The following TYK2 variants were observed in gnomAD, a reference collection of about 807,000 sequenced individuals.
The protein encoded by TYK2 is tyrosine kinase 2.
A neutral mutation model predicts 130.9 loss-of-function variants in TYK2; 65 were observed. That is an observed-to-expected ratio of 0.50 (90% confidence interval 0.41 to 0.61). The LOEUF is 0.61. Among genes scored for constraint, TYK2 ranks in the 20% least tolerant of loss-of-function variants. The probability of loss-of-function intolerance (pLI) is 0.00; values close to 1 mark genes in which losing one functional copy is unlikely to be tolerated. For missense variants in TYK2, 1,378 were observed against 1,610.7 expected, an observed-to-expected ratio of 0.86 and a Z score of 2.47; for synonymous variants, 647 against 658.9, an observed-to-expected ratio of 0.98 and a Z score of 0.28.
At position 10,368,399 on chromosome 19, in the gene TYK2, G is replaced by C; in HGVS notation, c.213C>G (p.Phe71Leu). The C allele has an allele frequency of 6.2e-7, 1 of 1,614,142 alleles. No individual in the cohort carries two copies. The highest frequency in any genetic ancestry group is 8.5e-7 in the Non-Finnish European group (1 of 1,180,040). ...GAGCATCGAAGAGGGCAAAGAGATT[G>C]AAGCAAGGAGGAGTGATACCTGGAT... ...AHKVGITPPC[F>L]NLFALFDAQA... Residue 71 changes from phenylalanine to leucine, a missense_variant, in exon 4 of 25, where the codon TTC becomes TTG. Physicochemically the swap from Phe to Leu is conservative, Grantham distance 22. Coordinates refer to ENST00000525621, the MANE Select transcript of TYK2 (RefSeq NM_003331.5).
At position 10,361,801 on chromosome 19, in the gene TYK2, A is replaced by G. The variant is rs1191795420; in HGVS notation, c.1928T>C (p.Val643Ala). ...RGQELRVVLK[V>A]LDPSHHDIAL... ...GATGTCATGGTGACTAGGGTCCAGC[A>G]CTTTGAGCACCACTCGTAGCTCCTG... The change falls in exon 13 of 25, where the codon GTG becomes GCG. Residue 643 changes from valine (V) to alanine (A), a missense_variant. By Grantham distance (64) the Val-to-Ala change is moderately conservative. Transcript: ENST00000525621. This position sits in a 1 kb window ranked among gnomAD's most constrained non-coding sequence, Gnocchi z 4.0. The G allele has an allele frequency of 6.2e-7, 1 of 1,613,384 alleles. No homozygotes were observed. The highest frequency in any genetic ancestry group is 8.5e-7 in the Non-Finnish European group (1 of 1,179,934).
chr19:10,378,763 T>C (rs1020232159), intron 2 of TYK2, among the ~76,000 whole-genome samples: 4 of 152,242 alleles, frequency 2.6e-5, no homozygotes, highest in African/African-American at 7.2e-5. Flanking sequence ...AGAGGATTGC[T>C]TGAGCCCAGG....
chr19:10,373,684 T>C (rs2042006937), intron 3 of TYK2, among the ~76,000 whole-genome samples: 1 of 152,074 alleles, frequency 6.6e-6, no homozygotes, highest in Non-Finnish European at 1.5e-5. Context: ...ATAAAAGAAC[T>C]AGTCAGACTG....
intron 15 of TYK2, 111 bp from the exon 16 acceptor site, chr19:10,358,249 C>A: frequency 1.2e-5 from 12 of 1,035,132 alleles, no homozygotes; most frequent in African/African-American, 1.7e-5. Context: ...GTGACTATCA[C>A]TGGGTTTCTT....
rs992395063 is a variant in TYK2, at chr19:10,350,667, G to A, written c.*167C>T. The A allele has an allele frequency of 1.3e-6, 1 of 786,686 alleles. No homozygotes were observed. Among genetic ancestry groups the A allele is most frequent in the Non-Finnish European group, 2.0e-6 (1 of 503,654 alleles). The allele number at this position is 786,686 out of a possible 1,614,324, so 48.7% of individuals were successfully genotyped here. A position where few individuals can be genotyped will look rare whatever the true frequency, so the allele number is the denominator to read the frequency against. On this transcript the variant is annotated 3_prime_UTR_variant, in exon 25 of 25. Coordinates refer to ENST00000525621, the MANE Select transcript of TYK2 (RefSeq NM_003331.5). Reference sequence around the variant, plus strand: ...AGATCATGGTTAGGCTCACGGCCAAGAAAGAAAAATAAGTTCACAGAGGTG... The same window carrying A: ...AGATCATGGTTAGGCTCACGGCCAAAAAAGAAAAATAAGTTCACAGAGGTG...
Position 10,366,539 on chromosome 19 carries a change from C to T in TYK2, c.507G>A (p.Glu169=), listed in dbSNP as rs1376933123. Residue 169 remains glutamate, a synonymous_variant, in exon 6 of 25, where the codon GAG becomes GAA. Transcript: ENST00000525621. ...EFVNDVASLW[E]LSTEEEIHHF... is the part of the protein sequence containing the mutation. Reference sequence around the variant, plus strand: ...GGTGGATCTCCTCCTCGGTCGACAGCTCCCACAGTGATGCCACGTCATTCA... The same window carrying T: ...GGTGGATCTCCTCCTCGGTCGACAGTTCCCACAGTGATGCCACGTCATTCA... 8 of 1,614,060 alleles carry T rather than the reference C, an allele frequency of 5.0e-6. No homozygotes were observed. The highest frequency in any genetic ancestry group is 1.3e-5 in the African/African-American group (1 of 75,012).
In TYK2 at chr19:10,354,011, A is replaced by G. The variant is rs280497; in HGVS notation, c.2908+31T>C. On this transcript the variant is annotated intron_variant, in intron 20 of 24. Transcript: ENST00000525621. Reference sequence around the variant, plus strand: ...ACCCACGCTCTAACCACGCCCCCTCAAGTCTCTAGGACTCGCCGGGTCCCG... The same window carrying G: ...ACCCACGCTCTAACCACGCCCCCTCGAGTCTCTAGGACTCGCCGGGTCCCG... 860,984 of 1,610,030 alleles carry G rather than the reference A, an allele frequency of 0.53. 232,452 individuals carry two copies. Among genetic ancestry groups the G allele is most frequent in the African/African-American group, 0.64 (48,182 of 74,880 alleles).
chr19:10,369,635 G>T (rs1284941472), intron 3 of TYK2: 1 of 423,780 alleles, frequency 2.4e-6, no homozygotes, highest in Non-Finnish European at 4.7e-6. Flanking sequence ...CATGTCCTGG[G>T]GCTCCATCCA....
At chr19:10,359,383 G>C (rs1177822993) in intron 14 of TYK2, 81 bp from the exon 15 acceptor site, 12 of 1,545,728 alleles carry the variant, frequency 7.8e-6, no homozygotes, top group Non-Finnish European at 8.8e-7. Context: ...ACGCCAGGGA[G>C]GGACTTGGCA....
At chr19:10,370,950 C>T (rs1163274273) in intron 3 of TYK2, among the ~76,000 whole-genome samples, 1 of 151,626 alleles carries the variant, frequency 6.6e-6, no homozygotes, top group Non-Finnish European at 1.5e-5. Flanking sequence ...CCAGCCTAAG[C>T]AACATAGTGA....
chr19:10,352,494 G>T lies in TYK2; in HGVS notation c.3258C>A (p.Ser1086=), dbSNP rs2040861756. ...GCAGCTCATACAGGGTCACCCCGAA[G>T]GACCAGACATCTGACGCATAGTAGA... ...YKFYYASDVW[S]FGVTLYELLT... The change falls in exon 23 of 25, where the codon TCC becomes TCA. Residue 1086 remains serine, a synonymous_variant. Transcript: ENST00000525621. 6.2e-7 allele frequency: 1 copy of T among 1,605,422 alleles called. No homozygotes were observed. Among genetic ancestry groups the T allele is most frequent in the African/African-American group, 1.3e-5 (1 of 74,630 alleles).
chr19:10,373,481 T>C (rs1319511270), intron 3 of TYK2, among the ~76,000 whole-genome samples: 1 of 151,074 alleles, frequency 6.6e-6, no homozygotes, highest in Non-Finnish European at 1.5e-5. Flanking sequence ...GGGATGTGCG[T>C]CACCACGCCC....
In TYK2 at chr19:10,364,555, C is replaced by T; in HGVS notation, c.1367+59G>A. 6.3e-7 allele frequency: 1 copy of T among 1,595,972 alleles called. No homozygotes were observed. The highest frequency in any genetic ancestry group is 8.6e-7 in the Non-Finnish European group (1 of 1,165,292). On this transcript the variant is annotated intron_variant, in intron 9 of 24. Coordinates refer to ENST00000525621, the MANE Select transcript of TYK2 (RefSeq NM_003331.5). The surrounding 1 kb of genome is among the most constrained non-coding windows in gnomAD (Gnocchi z 4.9). ...CACACACCCTGCACAGCCCCTAGGGCTCACAGTCTAGTTGGCACCCTTGGC... is the reference window on the plus strand; with the variant it reads ...CACACACCCTGCACAGCCCCTAGGGTTCACAGTCTAGTTGGCACCCTTGGC...
Position 10,365,661 on chromosome 19 carries a change from C to T in TYK2, c.867G>A (p.Glu289=), listed in dbSNP as rs767118932. Residue 289 remains glutamate, a synonymous_variant, in exon 7 of 25, where the codon GAG becomes GAA. Coordinates refer to ENST00000525621, the MANE Select transcript of TYK2 (RefSeq NM_003331.5). ...HLRLLAQAEG[E]PCYIRDSGVA... ...CCCCACTGTCCCGGATGTAGCAGGG[C>T]TCCCCCTCGGCCTGGGCCAGCAGCC... 4 of 1,613,518 alleles carry T rather than the reference C, an allele frequency of 2.5e-6. No homozygotes were observed. The South Asian group carries it at 3.3e-5, about 13-fold the overall frequency.
At chr19:10,352,842 T>C in intron 22 of TYK2, 84 bp downstream of exon 22, 3 of 1,471,148 alleles carry the variant, frequency 2.0e-6, no homozygotes, top group Non-Finnish European at 2.7e-6. Context: ...TCATGCCCTA[T>C]CATGATACCC....
Position 10,361,959 on chromosome 19 carries a change from C to G in TYK2, c.1774-4G>C, listed in dbSNP as rs280518. Reference sequence around the variant, plus strand: ...TGCCCTGGCCCAAGTGGGACAGCTGCGGGATCATGTGGCACAGAATACCGC... The same window carrying G: ...TGCCCTGGCCCAAGTGGGACAGCTGGGGGATCATGTGGCACAGAATACCGC... On this transcript the variant is annotated splice_polypyrimidine_tract_variant and splice_region_variant and intron_variant, in intron 12 of 24. Transcript: ENST00000525621. The surrounding 1 kb of genome is among the most constrained non-coding windows in gnomAD (Gnocchi z 4.0). 7.6e-3 allele frequency: 12,256 copies of G among 1,613,930 alleles called. 775 individuals carry two copies. The African/African-American group carries it at 0.14, about 19-fold the overall frequency.
At position 10,353,938 on chromosome 19, in the gene TYK2, G is replaced by A; in HGVS notation, c.2908+104C>T. The A allele has an allele frequency of 8.0e-7, 1 of 1,242,338 alleles. No individual in the cohort carries two copies. Among genetic ancestry groups the A allele is most frequent in the Non-Finnish European group, 1.2e-6 (1 of 861,884 alleles). 77.0% of individuals were successfully genotyped at this position (1,242,338 alleles called of 1,614,324 possible). ...GAACCGCGTACTGCAGCCTGGGGTT[G>A]AGAGTCTCTAATTGGCTAGGCCAGA... On this transcript the variant is annotated intron_variant, in intron 20 of 24. Transcript: ENST00000525621. The surrounding 1 kb of genome is among the most constrained non-coding windows in gnomAD (Gnocchi z 6.9).
At chr19:10,373,776 C>A (rs2042009342) in intron 3 of TYK2, among the ~76,000 whole-genome samples, 1 of 152,108 alleles carries the variant, frequency 6.6e-6, no homozygotes, top group Admixed American at 6.6e-5. Flanking sequence ...ATTCTGAGTA[C>A]CCCCACCCTG....
At position 10,378,413 on chromosome 19, in the gene TYK2, G is replaced by A. The variant is rs369235994; in HGVS notation, c.-7C>T. 23 of 1,607,844 alleles carry A rather than the reference G, an allele frequency of 1.4e-5. 1 individual carries two copies. Among genetic ancestry groups the A allele is most frequent in the African/African-American group, 1.2e-4 (9 of 74,834 alleles). On this transcript the variant is annotated 5_prime_UTR_variant, in exon 3 of 25. Coordinates refer to ENST00000525621, the MANE Select transcript of TYK2 (RefSeq NM_003331.5). ...CCCAGTGGCGCAGAGGCATGCTCCC[G>A]GCAGGTGGCTCAGCTGGAAAGGGGA...
Sources: gnomAD v4.1 joint callset for allele counts (sites outside exome capture counted in the v4.1 genomes callset) on GRCh38, gnomAD v4.1.1 for gene constraint, Gnocchi (gnomAD v3.1) non-coding constraint, MANE v1.5 for transcripts, NCBI Gene and HGNC (gene_info 2026-07-23, HGNC 2026-07-21) for gene names.